The following SPIDR variants were observed in gnomAD, a reference collection of about 807,000 sequenced individuals.
The protein encoded by SPIDR is scaffold protein involved in DNA repair.
In SPIDR, 93 loss-of-function variants were observed where a neutral mutation model predicts 104.6. That is an observed-to-expected ratio of 0.89 (90% CI 0.75 to 1.06). SPIDR has a LOEUF of 1.06. Among genes scored for constraint, SPIDR ranks in the 50% least tolerant of loss-of-function variants. The pLI is 0.00. For missense variants in SPIDR, 1,154 were observed against 1,111.2 expected, an observed-to-expected ratio of 1.04 and a Z score of -0.55; for synonymous variants, 431 against 416.9, an observed-to-expected ratio of 1.03 and a Z score of -0.41.
intron 8 of SPIDR, among the ~76,000 whole-genome samples, chr8:47,486,470 G>C (rs1288389763): frequency 6.6e-6 from 1 of 152,304 alleles, no homozygotes; most frequent in African/African-American, 2.4e-5. Flanking sequence ...TAGTGAGGCA[G>C]ACCAACATTC....
At chr8:47,660,613 ACC>A in intron 10 of SPIDR, 3 of 674,358 alleles carry the variant, frequency 4.4e-6, no homozygotes, top group Non-Finnish European at 5.5e-6. Context: ...AGGGGCAGGG[ACC>A]CGCTGTAGAC....
intron 5 of SPIDR, among the ~76,000 whole-genome samples, chr8:47,338,690 A>G (rs73582867): frequency 0.016 from 2,466 of 152,302 alleles, 64 homozygotes; most frequent in African/African-American, 0.057. Context: ...TTTCTATCTA[A>G]TGTTCTAAAA....
chr8:47,498,124 G>A (rs2079742257), intron 8 of SPIDR, among the ~76,000 whole-genome samples: 1 of 152,160 alleles, frequency 6.6e-6, no homozygotes, highest in Admixed American at 6.6e-5. Context: ...TTGAAACAAA[G>A]AAAAAGACCG....
chr8:47,420,369 A>G (rs1213095137), intron 7 of SPIDR, among the ~76,000 whole-genome samples: 2 of 152,084 alleles, frequency 1.3e-5, no homozygotes, highest in Admixed American at 6.5e-5. Flanking sequence ...CCATTATGTA[A>G]TGGCCTTCTT....
chr8:47,550,980 C>G (rs893715468), intron 8 of SPIDR, among the ~76,000 whole-genome samples: 20 of 151,938 alleles, frequency 1.3e-4, no homozygotes, highest in South Asian at 2.1e-4. Flanking sequence ...TAGCATGAAG[C>G]GTTGTTGAAT....
At chr8:47,287,290 T>C (rs2154233200) in intron 3 of SPIDR, among the ~76,000 whole-genome samples, 1 of 151,926 alleles carries the variant, frequency 6.6e-6, no homozygotes, top group Non-Finnish European at 1.5e-5. Flanking sequence ...AAAGCAAAGA[T>C]CACAAGGCAA....
At chr8:47,448,192 C>T (rs1297782626) in intron 8 of SPIDR, among the ~76,000 whole-genome samples, 1 of 152,096 alleles carries the variant, frequency 6.6e-6, no homozygotes, top group Non-Finnish European at 1.5e-5. Context: ...TGCTTAATGT[C>T]TTATTGCTTT....
chr8:47,421,051 T>A (rs1189126338), intron 7 of SPIDR, among the ~76,000 whole-genome samples: 1 of 152,246 alleles, frequency 6.6e-6, no homozygotes, highest in African/African-American at 2.4e-5. Flanking sequence ...CATTTTTTCC[T>A]CCATTTCAAC....
chr8:47,455,942 A>G (rs2072877556), intron 8 of SPIDR, among the ~76,000 whole-genome samples: 1 of 152,184 alleles, frequency 6.6e-6, no homozygotes, highest in Non-Finnish European at 1.5e-5. Flanking sequence ...AATGGACAGA[A>G]CAAACATGCA....
At chr8:47,383,162 C>A (rs1447894016) in intron 5 of SPIDR, among the ~76,000 whole-genome samples, 1 of 152,234 alleles carries the variant, frequency 6.6e-6, no homozygotes, top group Non-Finnish European at 1.5e-5. Flanking sequence ...CTTTGCCAAA[C>A]AGCTGCTTTT....
At chr8:47,636,307 T>G (rs2067909345) in intron 10 of SPIDR, among the ~76,000 whole-genome samples, 1 of 146,234 alleles carries the variant, frequency 6.8e-6, no homozygotes, top group Non-Finnish European at 1.5e-5. Flanking sequence ...ACTAACTGGC[T>G]GTTCCTCCAT....
Position 47,368,456 on chromosome 8 carries a change from T to G in SPIDR, c.526-27920T>G, listed in dbSNP as rs573306096. ...TGAAATACTGAAAACTAAGATAAGA[T>G]TTCAGTAATTAGAATTAAAAAGCAG... is the stretch of plus-strand genomic sequence containing the variant. On this transcript the variant is annotated intron_variant, in intron 5 of 19. Coordinates refer to ENST00000297423, the MANE Select transcript of SPIDR (RefSeq NM_001080394.4). Among the ~76,000 whole-genome samples the G allele has an allele frequency of 1.2e-4, 18 of 148,186 alleles. No homozygotes were observed. In the East Asian group the frequency reaches 3.6e-3, roughly 30 times the overall value.
At chr8:47,566,109 C>T (rs1402133988) in intron 8 of SPIDR, among the ~76,000 whole-genome samples, 4 of 141,260 alleles carry the variant, frequency 2.8e-5, no homozygotes, top group South Asian at 2.4e-4. Flanking sequence ...CAGGTTCAAG[C>T]GATTCTCCTC....
chr8:47,356,396 C>T (rs2054556737), intron 5 of SPIDR, among the ~76,000 whole-genome samples: 1 of 152,042 alleles, frequency 6.6e-6, no homozygotes, highest in African/African-American at 2.4e-5. Flanking sequence ...TCATCAATAT[C>T]GACGCATTCC....
chr8:47,496,266 T>G (rs1564140203), intron 8 of SPIDR, among the ~76,000 whole-genome samples: 1 of 152,170 alleles, frequency 6.6e-6, no homozygotes, highest in Non-Finnish European at 1.5e-5. Flanking sequence ...TTTGTCCTTT[T>G]GTGGATCTTA....
intron 8 of SPIDR, among the ~76,000 whole-genome samples, chr8:47,535,245 T>C (rs1385833754): frequency 6.6e-6 from 1 of 152,156 alleles, no homozygotes; most frequent in South Asian, 2.1e-4. Context: ...ATCCAGAAAA[T>C]AGAAGCAGAA....
intron 8 of SPIDR, among the ~76,000 whole-genome samples, chr8:47,517,137 A>C (rs1476946819): frequency 1.3e-5 from 2 of 151,966 alleles, no homozygotes; most frequent in African/African-American, 2.4e-5. Flanking sequence ...GGAACCTGCC[A>C]CCACGCCCAG....
At chr8:47,279,747 C>G in intron 1 of SPIDR, 115 bp from the exon 2 acceptor site, 1 of 1,041,498 alleles carries the variant, frequency 9.6e-7, no homozygotes, top group Non-Finnish European at 1.4e-6. Context: ...AAAACTATAC[C>G]TTTACTGATG....
rs75315522 is a variant in SPIDR at position 47,262,728 on chromosome 8, A to G, written c.33+1737A>G. Among the ~76,000 whole-genome samples the G allele has an allele frequency of 4.8e-3, 729 of 152,334 alleles. 5 individuals are homozygous for G. The highest frequency in any genetic ancestry group is 0.016 in the African/African-American group (683 of 41,578). On this transcript the variant is annotated intron_variant, in intron 1 of 19. Coordinates refer to ENST00000297423, the MANE Select transcript of SPIDR (RefSeq NM_001080394.4). ...ACCCGGTACAATGTATGAGGAGACT[A>G]TAGAGGGTCCCCAGGAGGTGGGGAT...
Sources: allele counts gnomAD v4.1 joint callset (sites outside exome capture counted in the v4.1 genomes callset), GRCh38; gene constraint gnomAD v4.1.1; transcripts MANE v1.5; gene names NCBI Gene and HGNC (gene_info 2026-07-23, HGNC 2026-07-21).